ADAMTS16: variants seen among roughly 807,000 people sequenced by gnomAD.
ADAMTS16 encodes ADAM metallopeptidase with thrombospondin type 1 motif 16, also known as A disintegrin and metalloproteinase with thrombospondin motifs 16.
Under a neutral mutation model 145.8 loss-of-function variants are expected in ADAMTS16, and 94 were observed. The observed-to-expected ratio is 0.64, with a 90% CI of 0.55 to 0.77. The LOEUF is 0.77. Among genes scored for constraint, ADAMTS16 ranks in the 30% least tolerant of loss-of-function variants. ADAMTS16 has a pLI of 0.00. For synonymous variants in ADAMTS16, 659 were observed against 604.3 expected, an observed-to-expected ratio of 1.09 and a Z score of -1.33; for missense variants, 1,585 against 1,591.5, an observed-to-expected ratio of 1.00 and a Z score of 0.07.
At chr5:5,185,215 G>A (rs935150988) in intron 4 of ADAMTS16, among the ~76,000 whole-genome samples, 1 of 152,176 alleles carries the variant, frequency 6.6e-6, no homozygotes, top group Non-Finnish European at 1.5e-5. Context: ...GAAACGTGTT[G>A]GATGTACTAG....
At chr5:5,187,106 G>T (rs114217198) in intron 5 of ADAMTS16, among the ~76,000 whole-genome samples, 2,992 of 152,310 alleles carry the variant, frequency 0.02, 48 homozygotes, top group Non-Finnish European at 0.031. Context: ...TCCTCAGCAA[G>T]CTGCTCTGAC....
chr5:5,146,465 G>A lies in ADAMTS16; in HGVS notation c.501+10G>A. The A allele has an allele frequency of 6.3e-7, 1 of 1,586,648 alleles. No individual in the cohort carries two copies. The highest frequency in any genetic ancestry group is 8.6e-7 in the Non-Finnish European group (1 of 1,168,650). ...AACCTGCCAAGGCTTGGTGAGTACAGCGCAAGCCCCAGGTAGGGAGGCGAG... is the reference window on the plus strand; with the variant it reads ...AACCTGCCAAGGCTTGGTGAGTACAACGCAAGCCCCAGGTAGGGAGGCGAG... On this transcript the variant is annotated intron_variant, in intron 3 of 22. Transcript: ENST00000274181.
chr5:5,140,963 T>A (rs570450659), intron 2 of ADAMTS16, among the ~76,000 whole-genome samples, 197 bp downstream of exon 2: 1 of 152,230 alleles, frequency 6.6e-6, no homozygotes, highest in African/African-American at 2.4e-5. Context: ...TACATTTTAT[T>A]CCCTGGCAAA....
Position 5,239,230 on chromosome 5 carries a change from G to T in ADAMTS16, c.2234G>T (p.Cys745Phe), listed in dbSNP as rs763756692. The change falls in exon 15 of 23, where the codon TGC becomes TTC. Residue 745 changes from cysteine to phenylalanine, a missense_variant. Coordinates refer to ENST00000274181, the MANE Select transcript of ADAMTS16 (RefSeq NM_139056.4). ...GTGTGTAACGGGAATAACTCAGCCT[G>T]CACGATTCACAGGGGTCTCTACACC... Reference protein sequence around the residue: ...CGVCNGNNSACTIHRGLYTKH... With the variant: ...CGVCNGNNSAFTIHRGLYTKH... 1.2e-6 allele frequency: 2 copies of T among 1,602,080 alleles called. No individual in the cohort carries two copies. Among genetic ancestry groups the T allele is most frequent in the East Asian group, 4.5e-5 (2 of 44,372 alleles).
Position 5,144,125 on chromosome 5 carries a change from CA to C in ADAMTS16, c.176-1995del, listed in dbSNP as rs70965926. ...ATGTATCCCAGAACTTAAATTATAA[CA>C]AAAAAAAAATCAATGGTCACATGCT... On this transcript the variant is annotated intron_variant, in intron 2 of 22. Coordinates refer to ENST00000274181, the MANE Select transcript of ADAMTS16 (RefSeq NM_139056.4). Among the ~76,000 whole-genome samples the C allele has an allele frequency of 8.6e-5, 13 of 150,454 alleles. No homozygotes were observed. The South Asian group carries it at 1.3e-3, about 15-fold the overall frequency.
intron 3 of ADAMTS16, among the ~76,000 whole-genome samples, chr5:5,173,308 T>G (rs1735097965): frequency 6.6e-6 from 1 of 151,888 alleles, no homozygotes; most frequent in African/African-American, 2.4e-5. Context: ...TTTTCTGGGG[T>G]TTTTTGTGCC....
chr5:5,307,336 G>C (rs902786001), intron 21 of ADAMTS16, among the ~76,000 whole-genome samples: 1 of 152,214 alleles, frequency 6.6e-6, no homozygotes, highest in African/African-American at 2.4e-5. Context: ...GCACTGGCTT[G>C]TGGCTGCCCG....
At chr5:5,216,992 A>C (rs1736457280) in intron 10 of ADAMTS16, among the ~76,000 whole-genome samples, 1 of 151,834 alleles carries the variant, frequency 6.6e-6, no homozygotes, top group Non-Finnish European at 1.5e-5. Context: ...ACATATTCTT[A>C]ATCCAGTCTA....
chr5:5,147,677 A>C (rs1246254520), intron 3 of ADAMTS16, among the ~76,000 whole-genome samples: 3 of 152,210 alleles, frequency 2.0e-5, no homozygotes, highest in South Asian at 4.1e-4. Context: ...GATTTCTTCC[A>C]CACTCTCCCA....
rs1291169744 is a variant in ADAMTS16 at position 5,318,188 on chromosome 5, G to C, written c.3466G>C (p.Gly1156Arg). 2 of 1,560,142 alleles carry C rather than the reference G, an allele frequency of 1.3e-6. No individual in the cohort carries two copies. The highest frequency in any genetic ancestry group is 1.7e-6 in the Non-Finnish European group (2 of 1,149,010). ...GACGAGGTCCGTGCAGTGCCTGGCT[G>C]GGGGCCGGCCGGCCTCAGGCTGCCT... The part of the protein sequence containing the change: ...VQTRSVQCLA[G>R]GRPASGCLLH... The change falls in exon 22 of 23, where the codon GGG becomes CGG. Residue 1156 changes from glycine (G) to arginine (R), a missense_variant. By Grantham distance (125) the Gly-to-Arg change is moderately radical. Around this residue, in one of 3 missense-constraint regions of ADAMTS16, gnomAD observed 834 missense variants for 811.7 expected, o/e 1.03. Coordinates refer to ENST00000274181, the MANE Select transcript of ADAMTS16 (RefSeq NM_139056.4).
intron 18 of ADAMTS16, among the ~76,000 whole-genome samples, chr5:5,282,105 A>T (rs1738940211): frequency 8.7e-6 from 1 of 114,568 alleles, no homozygotes; most frequent in African/African-American, 3.1e-5. Context: ...GGTTTGGGAG[A>T]TAAACTGTTT....
chr5:5,257,800 C>T (rs1737844664), intron 17 of ADAMTS16, among the ~76,000 whole-genome samples: 3 of 152,178 alleles, frequency 2.0e-5, no homozygotes, highest in Non-Finnish European at 4.4e-5. Context: ...GGATTAAGAG[C>T]TCAATTCCCC....
chr5:5,201,126 T>C (rs185459401), intron 9 of ADAMTS16, among the ~76,000 whole-genome samples: 132 of 152,298 alleles, frequency 8.7e-4, no homozygotes, highest in Non-Finnish European at 1.6e-3. Context: ...TCCTGTGACC[T>C]TTCCTCTTCC....
chr5:5,186,302 GTGT>G, intron 5 of ADAMTS16, 51 bp downstream of exon 5: 1 of 851,360 alleles, frequency 1.2e-6, no homozygotes, highest in Non-Finnish European at 1.7e-6. Context: ...ACTTCGTAGG[GTGT>G]GTGTGTGTGT....
intron 10 of ADAMTS16, among the ~76,000 whole-genome samples, chr5:5,211,701 C>A (rs1736274268): frequency 6.6e-6 from 1 of 152,060 alleles, no homozygotes; most frequent in South Asian, 2.1e-4. Flanking sequence ...CTATTAATGT[C>A]TTTCTAAGCA....
At chr5:5,238,604 T>C (rs982132332) in intron 14 of ADAMTS16, among the ~76,000 whole-genome samples, 2 of 152,174 alleles carry the variant, frequency 1.3e-5, no homozygotes, top group African/African-American at 4.8e-5. Context: ...TTTTTGTACA[T>C]ATAGAGCCTA....
intron 14 of ADAMTS16, among the ~76,000 whole-genome samples, chr5:5,238,488 T>C (rs1390158953): frequency 6.6e-6 from 1 of 152,216 alleles, no homozygotes; most frequent in African/African-American, 2.4e-5. Context: ...AGAAAGGTAG[T>C]ATCTATTACC....
chr5:5,166,485 A>T (rs923309244), intron 3 of ADAMTS16, among the ~76,000 whole-genome samples: 17 of 152,306 alleles, frequency 1.1e-4, no homozygotes, highest in African/African-American at 3.8e-4. Context: ...CCTGGGGGAA[A>T]CCAACACTGG....
At chr5:5,184,452 G>T (rs1410968567) in intron 4 of ADAMTS16, among the ~76,000 whole-genome samples, 1 of 152,038 alleles carries the variant, frequency 6.6e-6, no homozygotes, top group Non-Finnish European at 1.5e-5. Context: ...GAGGCTTTTG[G>T]ACTTTCCCTT....
Sources: allele counts gnomAD v4.1 joint callset (sites outside exome capture counted in the v4.1 genomes callset), GRCh38; gene constraint gnomAD v4.1.1; regional missense constraint gnomAD v4.1.1; transcripts MANE v1.5; gene names NCBI Gene and HGNC (gene_info 2026-07-23, HGNC 2026-07-21).